Variants in GALNT17 observed in about 807,000 individuals in gnomAD.
The protein encoded by GALNT17 is polypeptide N-acetylgalactosaminyltransferase 17.
A neutral mutation model predicts 63.7 loss-of-function variants in GALNT17; 29 were observed. The observed-to-expected ratio is 0.46, with a 90% CI of 0.34 to 0.62. The LOEUF is 0.62. Among genes scored for constraint, GALNT17 ranks in the 20% least tolerant of loss-of-function variants. The probability of loss-of-function intolerance (pLI) is 0.01; values close to 1 mark genes in which losing one functional copy is unlikely to be tolerated. For synonymous variants in GALNT17, 305 were observed against 318.3 expected (o/e 0.96, Z 0.45); for missense variants, 603 against 799.6 (o/e 0.75, Z 2.97).
intron 5 of GALNT17, among the ~76,000 whole-genome samples, chr7:71,516,072 T>C (rs966212516): frequency 2.3e-4 from 35 of 152,164 alleles, no homozygotes; most frequent in African/African-American, 6.3e-4. Flanking sequence ...GATGAACATA[T>C]GGTAGAGGAA....
chr7:71,586,289 C>G (rs1224932888), intron 6 of GALNT17, among the ~76,000 whole-genome samples: 1 of 152,200 alleles, frequency 6.6e-6, no homozygotes, highest in Non-Finnish European at 1.5e-5. Flanking sequence ...TCTATTGTAT[C>G]TGACTTCTTT....
chr7:71,288,084 C>T lies in GALNT17; in HGVS notation c.239-47466C>T, dbSNP rs570244235. Among the ~76,000 whole-genome samples, 15 of 146,666 alleles carry T rather than the reference C, an allele frequency of 1.0e-4. No homozygotes were observed. In the East Asian group the frequency reaches 2.6e-3, roughly 25 times the overall value. Reference sequence around the variant, plus strand: ...AAAAAAAATTAGCTGGGCATGGTGGCACACACCTGTAGTCCCAGCTACTCG... The same window carrying T: ...AAAAAAAATTAGCTGGGCATGGTGGTACACACCTGTAGTCCCAGCTACTCG... On this transcript the variant is annotated intron_variant, in intron 1 of 10. Transcript: ENST00000333538.
At chr7:71,407,604 C>T (rs1047848043) in intron 3 of GALNT17, among the ~76,000 whole-genome samples, 3 of 152,014 alleles carry the variant, frequency 2.0e-5, no homozygotes, top group Admixed American at 6.6e-5. Flanking sequence ...TAAAATTAGC[C>T]GGACATGGTG....
rs575484751 is a variant in GALNT17 at position 71,565,863 on chromosome 7, A to C, written c.963-5422A>C. ...CTCTTTTCTTTTTTTTTTTTTTTTG[A>C]AACGGAGTCTCGCTCTTTCCCCCAG... On this transcript the variant is annotated intron_variant, in intron 5 of 10. Coordinates refer to ENST00000333538, the MANE Select transcript of GALNT17 (RefSeq NM_022479.3). Among the ~76,000 whole-genome samples the C allele has an allele frequency of 4.3e-5, 5 of 117,618 alleles. No homozygotes were observed. In the East Asian group the frequency reaches 9.2e-4, roughly 22 times the overall value. The allele number at this position is 117,618 out of a possible 152,430, so 77.2% of individuals were successfully genotyped here.
At chr7:71,306,149 G>A (rs1481491901) in intron 1 of GALNT17, among the ~76,000 whole-genome samples, 3 of 152,178 alleles carry the variant, frequency 2.0e-5, no homozygotes, top group African/African-American at 4.8e-5. Context: ...GAACCTAGGC[G>A]GCAGAAATAG....
chr7:71,659,213 C>G (rs905435110), intron 6 of GALNT17, among the ~76,000 whole-genome samples: 1 of 152,242 alleles, frequency 6.6e-6, no homozygotes, highest in Non-Finnish European at 1.5e-5. Context: ...TTTCTACGTT[C>G]CAGCCACATG....
At chr7:71,350,827 A>T (rs1792175731) in intron 2 of GALNT17, among the ~76,000 whole-genome samples, 1 of 152,154 alleles carries the variant, frequency 6.6e-6, no homozygotes. Context: ...AGAAGAGATG[A>T]GGATAAAACA....
At chr7:71,564,832 G>A (rs1161231155) in intron 5 of GALNT17, among the ~76,000 whole-genome samples, 3 of 152,128 alleles carry the variant, frequency 2.0e-5, no homozygotes, top group African/African-American at 2.4e-5. Context: ...AGAAATCCCA[G>A]GACTCAGAGA....
chr7:71,155,904 A>G (rs985466455), intron 1 of GALNT17, among the ~76,000 whole-genome samples: 2 of 151,902 alleles, frequency 1.3e-5, no homozygotes, highest in African/African-American at 4.9e-5. Context: ...ACTTTTAAAA[A>G]TTTCATTCTT....
chr7:71,357,052 C>CA (rs1792299990), intron 2 of GALNT17, among the ~76,000 whole-genome samples: 1 of 152,180 alleles, frequency 6.6e-6, no homozygotes, highest in Non-Finnish European at 1.5e-5. Context: ...TCCCAAAGTG[C>CA]TGGGATTCCA....
At chr7:71,162,432 C>T (rs1425060382) in intron 1 of GALNT17, among the ~76,000 whole-genome samples, 4 of 147,274 alleles carry the variant, frequency 2.7e-5, no homozygotes, top group Non-Finnish European at 4.4e-5. Context: ...ATCCATCCAT[C>T]CATTCATCCA....
intron 5 of GALNT17, among the ~76,000 whole-genome samples, chr7:71,440,104 A>G (rs972058911): frequency 9.9e-5 from 15 of 151,118 alleles, no homozygotes; most frequent in African/African-American, 3.4e-4. Context: ...AATTTTTCGT[A>G]TTTTTAGTAG....
At chr7:71,338,439 C>T (rs1443697290) in intron 2 of GALNT17, among the ~76,000 whole-genome samples, 2 of 152,012 alleles carry the variant, frequency 1.3e-5, no homozygotes, top group African/African-American at 2.4e-5. Flanking sequence ...CTGAGGGTCA[C>T]CTGAGTCTGG....
intron 3 of GALNT17, among the ~76,000 whole-genome samples, chr7:71,406,757 G>C (rs1163934921): frequency 7.0e-6 from 1 of 143,576 alleles, no homozygotes; most frequent in Admixed American, 7.1e-5. Context: ...TTTTGAGATC[G>C]CATCTTACTC....
intron 5 of GALNT17, among the ~76,000 whole-genome samples, chr7:71,563,288 G>A (rs1323493762): frequency 6.6e-6 from 1 of 152,208 alleles, no homozygotes; most frequent in East Asian, 1.9e-4. Flanking sequence ...CAGCCCGCAA[G>A]TGGTATCAAC....
chr7:71,271,862 C>T (rs191253905), intron 1 of GALNT17, among the ~76,000 whole-genome samples: 117 of 152,256 alleles, frequency 7.7e-4, no homozygotes, highest in Non-Finnish European at 1.0e-3. Context: ...CAGGCTAAAG[C>T]GATCCTCCCG....
At chr7:71,380,484 T>C (rs1792824723) in intron 2 of GALNT17, among the ~76,000 whole-genome samples, 1 of 152,016 alleles carries the variant, frequency 6.6e-6, no homozygotes, top group Admixed American at 6.6e-5. Flanking sequence ...CACACCCGGC[T>C]AATTTTTTAA....
chr7:71,166,470 A>G lies in GALNT17; in HGVS notation c.238+33430A>G, dbSNP rs1406142601. Among the ~76,000 whole-genome samples, 3 of 151,926 alleles carry G rather than the reference A, an allele frequency of 2.0e-5. No homozygotes were observed. The South Asian group carries it at 6.2e-4, about 32-fold the overall frequency. On this transcript the variant is annotated intron_variant, in intron 1 of 10. Coordinates refer to ENST00000333538, the MANE Select transcript of GALNT17 (RefSeq NM_022479.3). ...GATAGTGACGCATCCATCACCCCCA[A>G]AAGACTGTGCCTCGACTCATCCGTC...
At chr7:71,397,908 T>C (rs1793167282) in intron 3 of GALNT17, among the ~76,000 whole-genome samples, 1 of 151,936 alleles carries the variant, frequency 6.6e-6, no homozygotes. Context: ...TTGCCTTCTT[T>C]CAGAATTTTG....
Sources: gnomAD v4.1 joint callset for allele counts (sites outside exome capture counted in the v4.1 genomes callset) on GRCh38, gnomAD v4.1.1 for gene constraint, MANE v1.5 for transcripts, NCBI Gene and HGNC (gene_info 2026-07-23, HGNC 2026-07-21) for gene names.